The following NEO1 variants were observed in gnomAD, a reference collection of about 807,000 sequenced individuals.
NEO1 encodes the protein neogenin 1, also known as neogenin.
Under a neutral mutation model 159.7 loss-of-function variants are expected in NEO1, and 63 were observed. The observed-to-expected ratio is 0.39, with a 90% confidence interval of 0.32 to 0.49. NEO1 has a LOEUF of 0.49. NEO1 is among the 20% of genes least tolerant of loss of function. NEO1 has a pLI of 0.85. For synonymous variants in NEO1, 633 were observed against 662.0 expected (o/e 0.96, Z 0.67); for missense variants, 1,615 against 1,831.0 (o/e 0.88, Z 2.15).
At chr15:73,209,399 GTTA>G (rs1467122605) in intron 7 of NEO1, among the ~76,000 whole-genome samples, 1 of 152,154 alleles carries the variant, frequency 6.6e-6, no homozygotes, top group Admixed American at 6.5e-5. Context: ...ATAGCCTAGT[GTTA>G]TTGTTGTTTC....
chr15:73,244,594 T>TAAC (rs752463352), intron 9 of NEO1, 96 bp downstream of exon 9: 5 of 1,333,180 alleles, frequency 3.8e-6, no homozygotes, highest in South Asian at 1.7e-5. Context: ...GAGCAGAAGA[T>TAAC]AACAGTTCCT....
chr15:73,203,296 A>G (rs1189125206), intron 7 of NEO1, among the ~76,000 whole-genome samples: 2 of 152,208 alleles, frequency 1.3e-5, no homozygotes, highest in Non-Finnish European at 1.5e-5. Flanking sequence ...GGTGTTTTTT[A>G]TAGTGGCTAT....
chr15:73,125,672 A>C (rs971099038), intron 3 of NEO1, among the ~76,000 whole-genome samples: 1 of 152,228 alleles, frequency 6.6e-6, no homozygotes, highest in Non-Finnish European at 1.5e-5. Flanking sequence ...TCTGCCCACA[A>C]GAGTGTGGCC....
intron 8 of NEO1, among the ~76,000 whole-genome samples, chr15:73,239,090 C>G (rs770231039): frequency 3.9e-5 from 6 of 152,062 alleles, no homozygotes; most frequent in Non-Finnish European, 8.8e-5. Context: ...CTCAGGCGAT[C>G]CACTTCAGCC....
chr15:73,176,163 G>A (rs546161671), intron 5 of NEO1, among the ~76,000 whole-genome samples: 1 of 151,954 alleles, frequency 6.6e-6, no homozygotes, highest in African/African-American at 2.4e-5. Flanking sequence ...TCCAAATAAG[G>A]AAACTCAGAA....
chr15:73,123,194 A>T (rs1246120167), intron 3 of NEO1, among the ~76,000 whole-genome samples: 2 of 152,134 alleles, frequency 1.3e-5, no homozygotes, highest in African/African-American at 4.8e-5. Context: ...ATGCGGTATG[A>T]CATTTTACTG....
intron 9 of NEO1, among the ~76,000 whole-genome samples, chr15:73,248,485 A>G (rs2039912090): frequency 6.6e-6 from 1 of 152,066 alleles, no homozygotes; most frequent in Non-Finnish European, 1.5e-5. Context: ...TATTGACCCC[A>G]TTGACTGGAA....
intron 3 of NEO1, among the ~76,000 whole-genome samples, chr15:73,123,774 C>T (rs56269104): frequency 0.3 from 44,949 of 151,992 alleles, 8,128 homozygotes; most frequent in Admixed American, 0.43. Context: ...CCATATTTCT[C>T]ATCTCAAATT....
intron 5 of NEO1, among the ~76,000 whole-genome samples, chr15:73,159,323 TG>T (rs1452159749): frequency 2.0e-5 from 3 of 152,150 alleles, no homozygotes; most frequent in Admixed American, 1.3e-4. Flanking sequence ...CATATGTCAG[TG>T]ATTTTGTAAG....
intron 1 of NEO1, among the ~76,000 whole-genome samples, chr15:73,090,982 T>C (rs984322004): frequency 6.6e-6 from 1 of 152,164 alleles, no homozygotes. Flanking sequence ...CCCAATCTTA[T>C]AGATGAGTAA....
chr15:73,269,160 G>A (rs180684549), intron 16 of NEO1, among the ~76,000 whole-genome samples: 6 of 152,214 alleles, frequency 3.9e-5, no homozygotes, highest in Admixed American at 2.0e-4. Flanking sequence ...ATCAGATACC[G>A]TCAATACCCA....
chr15:73,122,961 A>G (rs906377634), intron 3 of NEO1, among the ~76,000 whole-genome samples, 161 bp downstream of exon 3: 1 of 152,150 alleles, frequency 6.6e-6, no homozygotes, highest in Non-Finnish European at 1.5e-5. Context: ...CCTGAGTTCC[A>G]GCCTGGCCAA....
intron 5 of NEO1, 75 bp from the exon 6 acceptor site, chr15:73,176,328 T>G (rs2035278728): frequency 9.7e-7 from 1 of 1,035,686 alleles, no homozygotes; most frequent in East Asian, 2.8e-5. Context: ...TTTTATGATT[T>G]AAAAATTGGT....
chr15:73,070,857 G>A lies in NEO1; in HGVS notation c.130+18052G>A, dbSNP rs7162673. On this transcript the variant is annotated intron_variant, in intron 1 of 28. Coordinates refer to ENST00000261908, the MANE Select transcript of NEO1 (RefSeq NM_002499.4). ...AACTGAAACTGTAGAAAGTGAAACC[G>A]TGGAAAGCAAAACTGTGGATAAGGA... Among the ~76,000 whole-genome samples, 1,312 of 152,294 alleles carry A rather than the reference G, an allele frequency of 8.6e-3. 23 individuals carry two copies. Among genetic ancestry groups the A allele is most frequent in the African/African-American group, 0.03 (1,235 of 41,570 alleles).
At chr15:73,187,661 G>A (rs921436966) in intron 7 of NEO1, among the ~76,000 whole-genome samples, 4 of 152,168 alleles carry the variant, frequency 2.6e-5, no homozygotes, top group African/African-American at 9.6e-5. Flanking sequence ...TAACAAATAT[G>A]TGTAGCTGTG....
chr15:73,298,685 C>T (rs1206739833), intron 27 of NEO1, 74 bp downstream of exon 27: 14 of 1,568,634 alleles, frequency 8.9e-6, no homozygotes, highest in Non-Finnish European at 1.2e-5. Context: ...GGGACAAAGC[C>T]ACCCCTTCTT....
At chr15:73,171,562 C>T (rs2034965003) in intron 5 of NEO1, among the ~76,000 whole-genome samples, 1 of 151,164 alleles carries the variant, frequency 6.6e-6, no homozygotes, top group South Asian at 2.1e-4. Context: ...AGAACATTGG[C>T]CAGTTAGTGA....
At position 73,276,765 on chromosome 15, in the gene NEO1, G is replaced by A. The variant is rs183750129; in HGVS notation, c.3194-1366G>A. On this transcript the variant is annotated intron_variant, in intron 21 of 28. Coordinates refer to ENST00000261908, the MANE Select transcript of NEO1 (RefSeq NM_002499.4). The stretch of plus-strand genomic sequence containing the variant: ...ATATATGTATCTCCTGATAATTTAT[G>A]GAAGTACTTGACATTAGCTCTAATG... Among the ~76,000 whole-genome samples the A allele has an allele frequency of 3.1e-3, 474 of 152,258 alleles. 2 individuals are homozygous for A. The highest frequency in any genetic ancestry group is 0.011 in the African/African-American group (451 of 41,540).
intron 20 of NEO1, among the ~76,000 whole-genome samples, 184 bp from the exon 21 acceptor site, chr15:73,274,508 G>A (rs2041314856): frequency 6.6e-6 from 1 of 152,206 alleles, no homozygotes; most frequent in Non-Finnish European, 1.5e-5. Flanking sequence ...ACTGGGGACT[G>A]AATCTAAGGA....
Sources: gnomAD v4.1 joint callset for allele counts (sites outside exome capture counted in the v4.1 genomes callset) on GRCh38, gnomAD v4.1.1 for gene constraint, MANE v1.5 for transcripts, NCBI Gene and HGNC (gene_info 2026-07-23, HGNC 2026-07-21) for gene names.